TMEM170A: variants seen among roughly 807,000 people sequenced by gnomAD.
The protein encoded by TMEM170A is transmembrane protein 170.
Under a neutral mutation model 12.8 loss-of-function variants are expected in TMEM170A, and 18 were observed. That is an observed-to-expected ratio of 1.41 (90% CI 0.97 to 2.09). The LOEUF (loss-of-function observed/expected upper bound fraction) is 2.09. Among genes scored for constraint, TMEM170A ranks in the 30% most tolerant of loss-of-function variants. TMEM170A has a pLI of 0.00. For missense variants in TMEM170A, 220 were observed against 179.9 expected (o/e 1.22, Z -1.28); for synonymous variants, 107 against 76.2 (o/e 1.40, Z -2.11).
Position 75,445,215 on chromosome 16 carries a change from A to C in TMEM170A, c.*2343T>G, listed in dbSNP as rs2079563390. 1 of 152,350 alleles carries C rather than the reference A, an allele frequency of 6.6e-6. No individual in the cohort carries two copies. The highest frequency in any genetic ancestry group is 1.9e-4 in the East Asian group (1 of 5,194). 9.4% of individuals were successfully genotyped at this position (152,350 alleles called of 1,614,324 possible). On this transcript the variant is annotated 3_prime_UTR_variant, in exon 3 of 3. Transcript: ENST00000561878. The stretch of plus-strand genomic sequence containing the variant: ...GTGAGAAAGATTTGAGCTTCTTGTT[A>C]GGGAATTTGTAAGAATATTTGGCTG...
chr16:75,453,036 T>G (rs1456158886), intron 1 of TMEM170A, among the ~76,000 whole-genome samples: 2 of 152,074 alleles, frequency 1.3e-5, no homozygotes, highest in Non-Finnish European at 2.9e-5. Flanking sequence ...CCATAAAGCC[T>G]AACATATTTA....
intron 2 of TMEM170A, among the ~76,000 whole-genome samples, chr16:75,451,101 T>C (rs763937132): frequency 2.0e-5 from 3 of 152,100 alleles, no homozygotes; most frequent in Non-Finnish European, 2.9e-5. Flanking sequence ...TCCAAAAAGA[T>C]AAATTTTCCT....
intron 2 of TMEM170A, among the ~76,000 whole-genome samples, chr16:75,448,718 C>G (rs942059625): frequency 6.6e-6 from 1 of 151,474 alleles, no homozygotes; most frequent in East Asian, 1.9e-4. Flanking sequence ...GAGCTCACAT[C>G]GCGACACTGC....
intron 2 of TMEM170A, among the ~76,000 whole-genome samples, chr16:75,450,174 T>G (rs2079657058): frequency 9.2e-6 from 1 of 109,088 alleles, no homozygotes; most frequent in South Asian, 3.0e-4. Context: ...CTAGGCCACT[T>G]TCTCTCAAAA....
intron 2 of TMEM170A, among the ~76,000 whole-genome samples, chr16:75,449,733 C>T (rs1323108816): frequency 6.6e-6 from 1 of 152,218 alleles, no homozygotes; most frequent in African/African-American, 2.4e-5. Context: ...CCCAGCTCCA[C>T]TGGCAATGCG....
At chr16:75,455,514 C>T (rs995376129) in intron 1 of TMEM170A, among the ~76,000 whole-genome samples, 9 of 152,136 alleles carry the variant, frequency 5.9e-5, no homozygotes, top group Non-Finnish European at 1.2e-4. Flanking sequence ...CTTCTATGTA[C>T]TGAGCATGTT....
Position 75,443,415 on chromosome 16 carries a change from T to C in TMEM170A, c.*4143A>G, listed in dbSNP as rs921482378. ...CTGATCTGAGTCACAACCAGCCTTA[T>C]AGAGTGCACAAAAAAGAAATGCAAG... is the stretch of plus-strand genomic sequence containing the variant. On this transcript the variant is annotated 3_prime_UTR_variant, in exon 3 of 3. Transcript: ENST00000561878. 6 of 152,330 alleles carry C rather than the reference T, an allele frequency of 3.9e-5. No individual in the cohort carries two copies. The South Asian group carries it at 6.2e-4, about 16-fold the overall frequency. 9.4% of individuals were successfully genotyped at this position (152,330 alleles called of 1,614,324 possible).
At position 75,444,951 on chromosome 16, in the gene TMEM170A, G is replaced by C. The variant is rs2079558551; in HGVS notation, c.*2607C>G. On this transcript the variant is annotated 3_prime_UTR_variant, in exon 3 of 3. Transcript: ENST00000561878. ...CAGTACTTCAAAAGTTACTGTTTAA[G>C]AGGAGGGGCCCACTAACTACTGGTC... 6.6e-6 allele frequency: 1 copy of C among 152,138 alleles called. No homozygotes were observed. Among genetic ancestry groups the C allele is most frequent in the African/African-American group, 2.4e-5 (1 of 41,440 alleles). 9.4% of individuals were successfully genotyped at this position (152,138 alleles called of 1,614,324 possible).
In TMEM170A at chr16:75,446,906, A is replaced by G. The variant is rs1207788868; in HGVS notation, c.*652T>C. 1 of 152,242 alleles carries G rather than the reference A, an allele frequency of 6.6e-6. No individual in the cohort carries two copies. The highest frequency in any genetic ancestry group is 1.5e-5 in the Non-Finnish European group (1 of 68,042). The allele number at this position is 152,242 out of a possible 1,614,324, so 9.4% of individuals were successfully genotyped here. ...AAATAACAAATTCACATCTCTTAAA[A>G]TATCTTAATCAGAAGTCAAGACAGT... On this transcript the variant is annotated 3_prime_UTR_variant, in exon 3 of 3. Coordinates refer to ENST00000561878, the MANE Select transcript of TMEM170A (RefSeq NM_145254.3).
intron 1 of TMEM170A, among the ~76,000 whole-genome samples, chr16:75,460,321 C>CT (rs34324715): frequency 0.016 from 2,471 of 152,226 alleles, 65 homozygotes; most frequent in African/African-American, 0.056. Flanking sequence ...GGATTGTACA[C>CT]TTTTTTAAAA....
intron 1 of TMEM170A, 57 bp downstream of exon 1, chr16:75,464,411 C>T (rs2079961289): frequency 2.9e-6 from 4 of 1,391,566 alleles, no homozygotes; most frequent in Non-Finnish European, 3.7e-6. Context: ...GGGGCGCCCA[C>T]AGCACGGCAG....
chr16:75,451,395 A>C, intron 2 of TMEM170A: 1 of 533,986 alleles, frequency 1.9e-6, no homozygotes, highest in South Asian at 2.7e-5. Flanking sequence ...AAAATACAAA[A>C]AAAATTAGCG....
chr16:75,455,646 T>C (rs547293814), intron 1 of TMEM170A, among the ~76,000 whole-genome samples: 1 of 151,854 alleles, frequency 6.6e-6, no homozygotes, highest in Admixed American at 6.6e-5. Context: ...CTCCTAAAAA[T>C]ACGTAAAAAT....
In TMEM170A at chr16:75,443,462, G is replaced by T. The variant is rs189331455; in HGVS notation, c.*4096C>A. 6.6e-6 allele frequency: 1 copy of T among 152,252 alleles called. No homozygotes were observed. Among genetic ancestry groups the T allele is most frequent in the Non-Finnish European group, 1.5e-5 (1 of 68,014 alleles). 9.4% of individuals were successfully genotyped at this position (152,252 alleles called of 1,614,324 possible). ...CAAGTACACGACATTTCTGCATATG[G>T]TCTGCTAATGGCACCGATGCTTCAC... On this transcript the variant is annotated 3_prime_UTR_variant, in exon 3 of 3. Coordinates refer to ENST00000561878, the MANE Select transcript of TMEM170A (RefSeq NM_145254.3).
chr16:75,454,323 A>G (rs943688320), intron 1 of TMEM170A, among the ~76,000 whole-genome samples: 1 of 152,240 alleles, frequency 6.6e-6, no homozygotes, highest in Non-Finnish European at 1.5e-5. Flanking sequence ...CAGAGGCTTT[A>G]TAAGAGCCAT....
At chr16:75,461,575 C>T (rs956735375) in intron 1 of TMEM170A, among the ~76,000 whole-genome samples, 2 of 152,180 alleles carry the variant, frequency 1.3e-5, no homozygotes, top group Non-Finnish European at 2.9e-5. Flanking sequence ...ATGAATGCAA[C>T]TCCTGTTAAG....
rs888010636 is a variant in TMEM170A, at chr16:75,446,169, C to T, written c.*1389G>A. On this transcript the variant is annotated 3_prime_UTR_variant, in exon 3 of 3. Transcript: ENST00000561878. ...CAGCCTGGGCAACACAGTGAGGCTC[C>T]GTCTCATTTAAAAGAAAAAAAAAAA... 4.1e-5 allele frequency: 5 copies of T among 123,098 alleles called. No homozygotes were observed. Among genetic ancestry groups the T allele is most frequent in the East Asian group, 2.3e-4 (1 of 4,262 alleles). The allele number at this position is 123,098 out of a possible 1,614,324, so 7.6% of individuals were successfully genotyped here.
At chr16:75,452,660 G>C (rs1401512806) in intron 1 of TMEM170A, 2 of 152,104 alleles carry the variant, frequency 1.3e-5, no homozygotes, top group African/African-American at 4.8e-5. Context: ...GGCTGGTCTT[G>C]AATGCCTCGG....
intron 1 of TMEM170A, among the ~76,000 whole-genome samples, chr16:75,455,405 G>A (rs1296122665): frequency 1.3e-5 from 2 of 150,760 alleles, no homozygotes; most frequent in Non-Finnish European, 3.0e-5. Flanking sequence ...GAAGGGGCAA[G>A]ATGCCCAAGC....
Sources: allele counts gnomAD v4.1 joint callset (sites outside exome capture counted in the v4.1 genomes callset), GRCh38; gene constraint gnomAD v4.1.1; transcripts MANE v1.5; gene names NCBI Gene and HGNC (gene_info 2026-07-23, HGNC 2026-07-21).